SPEF2: variants seen among roughly 807,000 people sequenced by gnomAD.
The protein encoded by SPEF2 is sperm flagellar and cilia associated 2.
SPEF2 carries 187 observed loss-of-function variants against 224.6 expected under a neutral mutation model. The observed-to-expected ratio is 0.83, with a 90% CI of 0.74 to 0.94. SPEF2 has a LOEUF of 0.94. Ranked by LOEUF, SPEF2 falls within the 40% of genes least tolerant of loss-of-function variation. SPEF2 has a pLI of 0.00. For synonymous variants in SPEF2, 715 were observed against 707.3 expected (o/e 1.01, Z -0.17); for missense variants, 2,170 against 2,135.6 (o/e 1.02, Z -0.32).
At chr5:35,788,796 C>T (rs568761333) in intron 30 of SPEF2, 9 of 702,916 alleles carry the variant, frequency 1.3e-5, no homozygotes, top group Non-Finnish European at 1.8e-5. Flanking sequence ...TCTTACAAAG[C>T]GGTGTTCCAG....
intron 15 of SPEF2, chr5:35,699,102 G>A (rs1297203392): frequency 6.6e-6 from 1 of 152,158 alleles, no homozygotes; most frequent in Non-Finnish European, 1.5e-5. Context: ...GGATTTGGGT[G>A]ATTTTTAGTT....
chr5:35,798,657 G>A (rs760133698), intron 33 of SPEF2, among the ~76,000 whole-genome samples: 3 of 151,890 alleles, frequency 2.0e-5, no homozygotes, highest in South Asian at 2.1e-4. Flanking sequence ...GCAGTGGCAC[G>A]ATCTCAGCTC....
At chr5:35,806,634 G>T (rs906856985) in intron 34 of SPEF2, 73 bp from the exon 35 acceptor site, 25 of 1,526,754 alleles carry the variant, frequency 1.6e-5, no homozygotes, top group African/African-American at 7.0e-5. Flanking sequence ...TATGAAATTG[G>T]TATATTCTAA....
chr5:35,793,393 A>T, intron 32 of SPEF2, 52 bp downstream of exon 32: 1 of 1,552,472 alleles, frequency 6.4e-7, no homozygotes, highest in South Asian at 1.2e-5. Flanking sequence ...TTGTGACCTA[A>T]GAAGTGAATT....
At chr5:35,752,259 G>A (rs1445116572) in intron 23 of SPEF2, among the ~76,000 whole-genome samples, 2 of 152,006 alleles carry the variant, frequency 1.3e-5, no homozygotes, top group African/African-American at 4.8e-5. Context: ...CACTTAACAT[G>A]ATGCTCAACA....
At chr5:35,668,291 C>T (rs1037105853) in intron 9 of SPEF2, among the ~76,000 whole-genome samples, 3 of 152,084 alleles carry the variant, frequency 2.0e-5, no homozygotes, top group African/African-American at 7.2e-5. Context: ...GAGTGTGATA[C>T]ATCCGTATCA....
In SPEF2 at chr5:35,641,664, A is replaced by C; in HGVS notation, c.395A>C (p.Lys132Thr). ...ACAAATTTAAGACTTCAAAACATGA[A>C]AAGTGATACTTTTCAAGAGGTAGGT... is the stretch of plus-strand genomic sequence containing the variant. ...RLTNLRLQNMKSDTFQERLRH... is the reference protein window; with the variant it reads ...RLTNLRLQNMTSDTFQERLRH... The change falls in exon 3 of 37, where the codon AAA (lysine) becomes ACA (threonine). Residue 132 changes from lysine (K) to threonine (T), a missense_variant. Lys to Thr is a moderately conservative substitution (Grantham distance 78). Coordinates refer to ENST00000356031, the MANE Select transcript of SPEF2 (RefSeq NM_024867.4). 2.5e-6 allele frequency: 4 copies of C among 1,613,126 alleles called. No individual in the cohort carries two copies. Among genetic ancestry groups the C allele is most frequent in the Non-Finnish European group, 3.4e-6 (4 of 1,179,542 alleles).
Position 35,649,416 on chromosome 5 carries a change from C to T in SPEF2, c.782C>T (p.Ala261Val), listed in dbSNP as rs1168477186. The T allele has an allele frequency of 6.2e-7, 1 of 1,610,544 alleles. No homozygotes were observed. The highest frequency in any genetic ancestry group is 8.5e-7 in the Non-Finnish European group (1 of 1,178,410). The change falls in exon 6 of 37, where the codon GCA becomes GTA. Residue 261 changes from alanine to valine, a missense_variant. Physicochemically the swap from Ala to Val is moderately conservative, Grantham distance 64. Transcript: ENST00000356031. ...GCATTAATAAAAAAGGATCTCCAAG[C>T]AAAAGAAAGGTGAGATGTGAGCTAT... is the stretch of plus-strand genomic sequence containing the variant. Reference protein sequence around the residue: ...FEALIKKDLQAKESASKTSLD... With the variant: ...FEALIKKDLQVKESASKTSLD...
intron 14 of SPEF2, among the ~76,000 whole-genome samples, chr5:35,697,063 T>C (rs966828716): frequency 6.6e-6 from 1 of 152,090 alleles, no homozygotes; most frequent in Admixed American, 6.5e-5. Context: ...AAGGGAGAAT[T>C]TTAGCAGGGT....
rs1758718091 is a variant in SPEF2 at position 35,814,481 on chromosome 5, C to G, written c.5397C>G (p.Leu1799=). The change falls in exon 37 of 37, where the codon CTC becomes CTG. Residue 1799 remains leucine (L), a synonymous_variant. Transcript: ENST00000356031. The part of the protein sequence containing the change: ...DYKFPDIKII[L]QRSEHVQGSD... ...TGTCTTAGGATATTAAAATAATTCT[C>G]CAAAGGAGTGAACATGTACAAGGAA... is the stretch of plus-strand genomic sequence containing the variant. 1 of 1,601,714 alleles carries G rather than the reference C, an allele frequency of 6.2e-7. No homozygotes were observed. The highest frequency in any genetic ancestry group is 8.5e-7 in the Non-Finnish European group (1 of 1,173,016).
At chr5:35,714,761 C>T (rs920239555) in intron 20 of SPEF2, among the ~76,000 whole-genome samples, 7 of 151,300 alleles carry the variant, frequency 4.6e-5, no homozygotes, top group South Asian at 2.1e-4. Flanking sequence ...TATCTTACAA[C>T]TTAAATTAAT....
At chr5:35,636,148 A>C (rs1402531212) in intron 2 of SPEF2, among the ~76,000 whole-genome samples, 1 of 152,156 alleles carries the variant, frequency 6.6e-6, no homozygotes, top group Non-Finnish European at 1.5e-5. Flanking sequence ...CTCCTGGACT[A>C]ATTCTGTAAA....
chr5:35,761,292 A>G (rs1751250846), intron 25 of SPEF2, among the ~76,000 whole-genome samples: 1 of 152,218 alleles, frequency 6.6e-6, no homozygotes, highest in African/African-American at 2.4e-5. Context: ...CTTAAGCCTC[A>G]GTTTCCTTAT....
At chr5:35,633,973 T>C (rs1322383835) in intron 2 of SPEF2, among the ~76,000 whole-genome samples, 1 of 152,124 alleles carries the variant, frequency 6.6e-6, no homozygotes, top group Non-Finnish European at 1.5e-5. Context: ...CAATTACATC[T>C]TAAGCCCATC....
At chr5:35,775,914 G>T (rs1268124854) in intron 28 of SPEF2, among the ~76,000 whole-genome samples, 3 of 152,086 alleles carry the variant, frequency 2.0e-5, no homozygotes, top group Non-Finnish European at 4.4e-5. Flanking sequence ...GCCACCCCAG[G>T]TTCTAAAGTA....
intron 3 of SPEF2, among the ~76,000 whole-genome samples, chr5:35,642,447 C>G (rs929390536): frequency 1.2e-4 from 18 of 152,146 alleles, no homozygotes; most frequent in Non-Finnish European, 2.6e-4. Context: ...ATAAGTAATT[C>G]TCACTCTCTT....
At chr5:35,634,862 T>C (rs1035210447) in intron 2 of SPEF2, among the ~76,000 whole-genome samples, 31 of 152,134 alleles carry the variant, frequency 2.0e-4, no homozygotes, top group African/African-American at 6.5e-4. Flanking sequence ...AAATAAAATC[T>C]ATATGCCATT....
intron 36 of SPEF2, among the ~76,000 whole-genome samples, chr5:35,809,656 G>C (rs377302411): frequency 4.6e-5 from 7 of 152,276 alleles, no homozygotes; most frequent in African/African-American, 1.7e-4. Flanking sequence ...GCCAGATTGC[G>C]AAGAACCCAG....
At chr5:35,643,468 C>T (rs767209998) in intron 3 of SPEF2, 2 of 455,688 alleles carry the variant, frequency 4.4e-6, no homozygotes, top group Admixed American at 2.4e-5. Flanking sequence ...GAGAAAAGCT[C>T]AAGTGAAGTA....
Sources: allele counts gnomAD v4.1 joint callset (sites outside exome capture counted in the v4.1 genomes callset), GRCh38; gene constraint gnomAD v4.1.1; transcripts MANE v1.5; gene names NCBI Gene and HGNC (gene_info 2026-07-23, HGNC 2026-07-21).